Variants in BACH2 observed in about 807,000 individuals in gnomAD.
BACH2 encodes the protein BACH transcriptional regulator 2, also known as transcription regulator protein BACH2.
In BACH2, 5 loss-of-function variants were observed where a neutral mutation model predicts 61.8. The ratio of observed to expected loss-of-function variants is 0.08; its 90% CI spans 0.04 to 0.17. The LOEUF (loss-of-function observed/expected upper bound fraction) is 0.17. Among genes scored for constraint, BACH2 ranks in the 10% least tolerant of loss-of-function variants. BACH2 has a pLI of 1.00. For missense variants in BACH2, 824 were observed against 1,091.1 expected (o/e 0.76, Z 3.45); for synonymous variants, 446 against 440.1 (o/e 1.01, Z -0.17).
chr6:90,027,762 T>C (rs1778710037), intron 5 of BACH2, among the ~76,000 whole-genome samples: 1 of 152,220 alleles, frequency 6.6e-6, no homozygotes, highest in Non-Finnish European at 1.5e-5. Context: ...CCTTGGTCTT[T>C]CTATGTACAA....
At chr6:90,093,304 T>TG (rs1782248673) in intron 4 of BACH2, among the ~76,000 whole-genome samples, 1 of 151,990 alleles carries the variant, frequency 6.6e-6, no homozygotes, top group Non-Finnish European at 1.5e-5. Context: ...TCCTACAGCA[T>TG]GGGGGGAGAT....
chr6:89,933,690 A>G (rs1163129207), intron 8 of BACH2, among the ~76,000 whole-genome samples: 1 of 152,160 alleles, frequency 6.6e-6, no homozygotes, highest in Non-Finnish European at 1.5e-5. Flanking sequence ...AACTGCTCCT[A>G]AAAAAGTAAG....
chr6:89,955,776 C>T (rs1345415058), intron 6 of BACH2, among the ~76,000 whole-genome samples: 1 of 152,082 alleles, frequency 6.6e-6, no homozygotes, highest in Non-Finnish European at 1.5e-5. Context: ...TATTCAGGTA[C>T]CAGTGAAAAG....
chr6:90,039,710 G>C (rs1364798523), intron 5 of BACH2, among the ~76,000 whole-genome samples: 2 of 152,086 alleles, frequency 1.3e-5, no homozygotes, highest in Non-Finnish European at 2.9e-5. Context: ...CCATAGTCTT[G>C]CTAATAGATT....
chr6:90,168,726 A>C (rs1444520232), intron 4 of BACH2, among the ~76,000 whole-genome samples: 1 of 152,178 alleles, frequency 6.6e-6, no homozygotes, highest in Non-Finnish European at 1.5e-5. Context: ...AAAAAAACAC[A>C]CATAAATGAA....
intron 4 of BACH2, among the ~76,000 whole-genome samples, chr6:90,109,001 G>A (rs564628742): frequency 6.6e-6 from 1 of 152,110 alleles, no homozygotes; most frequent in Non-Finnish European, 1.5e-5. Flanking sequence ...TCTCTCTCCT[G>A]GACCATTTCC....
intron 5 of BACH2, among the ~76,000 whole-genome samples, chr6:90,059,175 G>C (rs1407560557): frequency 1.7e-4 from 26 of 152,274 alleles, no homozygotes; most frequent in Non-Finnish European, 2.8e-4. Context: ...ACTACCATCA[G>C]AGTGAACAGG....
At chr6:90,112,098 A>G (rs1408772480) in intron 4 of BACH2, among the ~76,000 whole-genome samples, 1 of 152,216 alleles carries the variant, frequency 6.6e-6, no homozygotes, top group Non-Finnish European at 1.5e-5. Context: ...TACCTTCTTG[A>G]CTATTTTTCT....
At chr6:90,158,723 T>C (rs1785078616) in intron 4 of BACH2, among the ~76,000 whole-genome samples, 1 of 139,544 alleles carries the variant, frequency 7.2e-6, no homozygotes, top group Non-Finnish European at 1.5e-5. Context: ...GGTAACGATA[T>C]GGAGATGGCA....
chr6:90,183,907 T>TGAGTGTGGTC (rs1768256781), intron 4 of BACH2, among the ~76,000 whole-genome samples: 1 of 152,216 alleles, frequency 6.6e-6, no homozygotes, highest in Non-Finnish European at 1.5e-5. Context: ...ACCAAGGAAC[T>TGAGTGTGGTC]AAATTCAGTG....
intron 1 of BACH2, among the ~76,000 whole-genome samples, chr6:90,295,729 GTT>G (rs1417469577): frequency 6.6e-6 from 1 of 152,010 alleles, no homozygotes; most frequent in Non-Finnish European, 1.5e-5. Flanking sequence ...GAGGTGCAAG[GTT>G]TCCCTCTCAG....
At chr6:90,087,275 T>C (rs1781971200) in intron 5 of BACH2, among the ~76,000 whole-genome samples, 1 of 152,178 alleles carries the variant, frequency 6.6e-6, no homozygotes, top group African/African-American at 2.4e-5. Flanking sequence ...ATCTACCATA[T>C]CCAAGTAAAA....
At chr6:90,017,603 C>T (rs1778137650) in intron 5 of BACH2, among the ~76,000 whole-genome samples, 1 of 152,118 alleles carries the variant, frequency 6.6e-6, no homozygotes, top group Non-Finnish European at 1.5e-5. Flanking sequence ...CAATCTTTTC[C>T]AGCATAATTT....
At chr6:90,282,261 G>T (rs1771880498) in intron 1 of BACH2, among the ~76,000 whole-genome samples, 2 of 152,060 alleles carry the variant, frequency 1.3e-5, no homozygotes, top group South Asian at 4.2e-4. Flanking sequence ...TCATCACTCA[G>T]GTATTAGGCC....
Position 89,951,951 on chromosome 6 carries a change from G to C in BACH2, c.244-89C>G. 6.9e-7 allele frequency: 1 copy of C among 1,449,862 alleles called. No homozygotes were observed. The highest frequency in any genetic ancestry group is 9.4e-7 in the Non-Finnish European group (1 of 1,065,250). The allele number at this position is 1,449,862 out of a possible 1,614,324, so 89.8% of individuals were successfully genotyped here. ...AACTGAAGCAAGATAACCAGACAGTGCTAATGTCCCAGAATAAAGACTGCA... is the reference window on the plus strand; with the variant it reads ...AACTGAAGCAAGATAACCAGACAGTCCTAATGTCCCAGAATAAAGACTGCA... On this transcript the variant is annotated intron_variant, in intron 6 of 8. Transcript: ENST00000257749. This position sits in a 1 kb window ranked among gnomAD's most constrained non-coding sequence, Gnocchi z 6.4.
Position 89,951,009 on chromosome 6 carries a change from CT to C in BACH2, c.1096del (p.Arg366GlyfsTer66). 6.3e-7 allele frequency: 1 copy of C among 1,591,094 alleles called. No individual in the cohort carries two copies. The highest frequency in any genetic ancestry group is 8.6e-7 in the Non-Finnish European group (1 of 1,169,346). ...LPSTSQQHFA[R>X]SPACPFDKGI... ...CTTGTCAAAAGGGCAGGCTGGACTCCTGGCAAAGTGCTGCTGAGATGTACTG... is the reference window on the plus strand; with the variant it reads ...CTTGTCAAAAGGGCAGGCTGGACTCCGGCAAAGTGCTGCTGAGATGTACTG... On this transcript the variant is annotated frameshift_variant, in exon 7 of 9. Coordinates refer to ENST00000257749, the MANE Select transcript of BACH2 (RefSeq NM_021813.4). LOFTEE classifies it high-confidence loss of function. This position sits in a 1 kb window ranked among gnomAD's most constrained non-coding sequence, Gnocchi z 6.4.
chr6:90,151,974 G>T (rs1321557914), intron 4 of BACH2, among the ~76,000 whole-genome samples: 2 of 152,160 alleles, frequency 1.3e-5, no homozygotes, highest in African/African-American at 4.8e-5. Flanking sequence ...CTCAAAAGAG[G>T]ACTAACAAAT....
chr6:90,064,530 G>A (rs774465964), intron 5 of BACH2, among the ~76,000 whole-genome samples: 2 of 152,316 alleles, frequency 1.3e-5, no homozygotes, highest in Admixed American at 6.5e-5. Context: ...TGAGCAAGGA[G>A]CAGCCTGATG....
At chr6:89,992,701 C>T (rs1032965556) in intron 6 of BACH2, among the ~76,000 whole-genome samples, 5 of 152,124 alleles carry the variant, frequency 3.3e-5, no homozygotes, top group Non-Finnish European at 7.4e-5. Context: ...TACTCCACAT[C>T]GGTTCACAGA....
Sources: gnomAD v4.1 joint callset for allele counts (sites outside exome capture counted in the v4.1 genomes callset) on GRCh38, gnomAD v4.1.1 for gene constraint, Gnocchi (gnomAD v3.1) non-coding constraint, MANE v1.5 for transcripts, NCBI Gene and HGNC (gene_info 2026-07-23, HGNC 2026-07-21) for gene names.